The following STRN3 variants were observed in gnomAD, a reference collection of about 807,000 sequenced individuals.
STRN3 encodes the protein striatin-3.
In STRN3, 29 loss-of-function variants were observed where a neutral mutation model predicts 95.6. That is an observed-to-expected ratio of 0.30 (90% CI 0.23 to 0.41). STRN3 has a LOEUF of 0.41. STRN3 is among the 10% of genes least tolerant of loss of function. STRN3 has a pLI of 1.00. For missense variants in STRN3, 890 were observed against 972.1 expected, an observed-to-expected ratio of 0.92 and a Z score of 1.12; for synonymous variants, 331 against 357.6, an observed-to-expected ratio of 0.93 and a Z score of 0.84.
intron 1 of STRN3, among the ~76,000 whole-genome samples, chr14:30,984,005 A>G (rs7156647): frequency 1 from 151,336 of 151,864 alleles, 75,411 homozygotes; most frequent in Non-Finnish European, 1. Flanking sequence ...TGCGTCTAGG[A>G]AGGGAAGGAG....
intron 1 of STRN3, 89 bp from the exon 2 acceptor site, chr14:30,956,331 G>A: frequency 8.4e-7 from 1 of 1,189,988 alleles, no homozygotes; most frequent in Non-Finnish European, 1.2e-6. Context: ...ACAAACTGTT[G>A]CACTTGACTC....
At chr14:30,929,427 C>T (rs924234832) in intron 7 of STRN3, 116 bp from the exon 8 acceptor site, 2 of 766,690 alleles carry the variant, frequency 2.6e-6, no homozygotes, top group African/African-American at 3.6e-5. Flanking sequence ...AGCATATACT[C>T]AAAATACTTT....
At chr14:31,021,689 AAC>A (rs1237759897) in intron 1 of STRN3, among the ~76,000 whole-genome samples, 1 of 152,206 alleles carries the variant, frequency 6.6e-6, no homozygotes, top group Non-Finnish European at 1.5e-5. Flanking sequence ...AGCAAAAGAA[AAC>A]AGTTTTGAAG....
intron 1 of STRN3, among the ~76,000 whole-genome samples, chr14:30,981,216 G>A (rs553345895): frequency 3.9e-5 from 6 of 152,296 alleles, no homozygotes; most frequent in Non-Finnish European, 8.8e-5. Flanking sequence ...TTGAGAGGCT[G>A]AGGTGGGAGG....
intron 7 of STRN3, among the ~76,000 whole-genome samples, chr14:30,931,381 CT>C: frequency 6.6e-6 from 1 of 152,110 alleles, no homozygotes; most frequent in Non-Finnish European, 1.5e-5. Flanking sequence ...TTTACAGTAA[CT>C]TTTTTGTCTA....
chr14:30,915,883 T>C (rs983500519), intron 9 of STRN3, among the ~76,000 whole-genome samples: 1 of 152,232 alleles, frequency 6.6e-6, no homozygotes, highest in Non-Finnish European at 1.5e-5. Flanking sequence ...GTCTGGACAT[T>C]AGTTTTACTC....
chr14:30,926,492 T>C (rs1341204200), intron 8 of STRN3, among the ~76,000 whole-genome samples: 2 of 151,936 alleles, frequency 1.3e-5, no homozygotes, highest in South Asian at 2.1e-4. Flanking sequence ...AGTGGTAGGA[T>C]TGCAGGTGAT....
Position 30,902,663 on chromosome 14 carries a change from A to T in STRN3, c.2030-20T>A, listed in dbSNP as rs1181637291. 3 of 1,468,172 alleles carry T rather than the reference A, an allele frequency of 2.0e-6. No individual in the cohort carries two copies. The Admixed American group carries it at 5.9e-5, about 29-fold the overall frequency. The allele number at this position is 1,468,172 out of a possible 1,614,324, so 90.9% of individuals were successfully genotyped here. On this transcript the variant is annotated intron_variant, in intron 15 of 17. Coordinates refer to ENST00000357479, the MANE Select transcript of STRN3 (RefSeq NM_001083893.2). ...GTAAACCTGAAAAATAAAGGAAGAC[A>T]ATAAGTTAAAATTCAAACCTTTAAT...
At chr14:30,911,008 T>G in intron 13 of STRN3, 33 bp downstream of exon 13, 2 of 1,535,276 alleles carry the variant, frequency 1.3e-6, no homozygotes. Flanking sequence ...CTCCATTCAC[T>G]TAAAAAAAAT....
At position 30,935,169 on chromosome 14, in the gene STRN3, C is replaced by G. The variant is rs768516966; in HGVS notation, c.982G>C (p.Glu328Gln). Residue 328 changes from glutamate (E) to glutamine (Q), a missense_variant, in exon 7 of 18, where the codon GAA becomes CAA. Physicochemically the swap from Glu to Gln is conservative, Grantham distance 29. Coordinates refer to ENST00000357479, the MANE Select transcript of STRN3 (RefSeq NM_001083893.2). ...GEARSSGDGT[E>Q]WDKDDLSPTA... ...TATTTCTTTATCACCTTACCCCATT[C>G]TGTGCCATCCCCCGAACTCCGTGCT... is the stretch of plus-strand genomic sequence containing the variant. 1.2e-6 allele frequency: 2 copies of G among 1,613,970 alleles called. No homozygotes were observed. The highest frequency in any genetic ancestry group is 1.3e-5 in the African/African-American group (1 of 75,030).
At chr14:31,018,268 C>A (rs1430901790) in intron 1 of STRN3, among the ~76,000 whole-genome samples, 1 of 152,126 alleles carries the variant, frequency 6.6e-6, no homozygotes, top group Admixed American at 6.5e-5. Context: ...CTACATCAGC[C>A]TGGGCCATAG....
intron 1 of STRN3, among the ~76,000 whole-genome samples, chr14:31,010,556 A>G (rs575669421): frequency 6.6e-6 from 1 of 152,074 alleles, no homozygotes; most frequent in Non-Finnish European, 1.5e-5. Flanking sequence ...AAAAAATCAC[A>G]AAGTATTTAA....
In STRN3 at chr14:30,929,292, T is replaced by C. The variant is rs760515792; in HGVS notation, c.1008A>G (p.Pro336=). ...GTEWDKDDLS[P]TAEVWDVDQG... ...GGTCTACATCCCAAACCTCAGCAGT[T>C]GGGGAGAGGTCATCTTTATCTACAT... Residue 336 remains proline (P), a synonymous_variant, in exon 8 of 18, where the codon CCA becomes CCG. Transcript: ENST00000357479. 1 of 1,613,496 alleles carries C rather than the reference T, an allele frequency of 6.2e-7. No homozygotes were observed. Among genetic ancestry groups the C allele is most frequent in the East Asian group, 2.2e-5 (1 of 44,808 alleles).
At chr14:30,996,856 A>T (rs949560031) in intron 1 of STRN3, among the ~76,000 whole-genome samples, 4 of 151,482 alleles carry the variant, frequency 2.6e-5, no homozygotes, top group Non-Finnish European at 5.9e-5. Context: ...ACAGAGCGAG[A>T]CTCCATCTCA....
chr14:30,932,495 C>T (rs556905342), intron 7 of STRN3: 3 of 152,154 alleles, frequency 2.0e-5, no homozygotes, highest in Admixed American at 6.5e-5. Flanking sequence ...TTTGAACGAT[C>T]TTGTACTTAA....
intron 1 of STRN3, among the ~76,000 whole-genome samples, chr14:30,984,761 GAC>G (rs1426059588): frequency 6.6e-6 from 1 of 151,686 alleles, no homozygotes; most frequent in Non-Finnish European, 1.5e-5. Flanking sequence ...CCAGCCTGGC[GAC>G]AAAGCAAGAC....
In STRN3 at chr14:30,907,723, G is replaced by C. The variant is rs34284209; in HGVS notation, c.1721-679C>G. ...ATGTTTTCAAGGTTTATCCATGTTGGAGCATGTATCAGTACTCCATTTATT... is the reference window on the plus strand; with the variant it reads ...ATGTTTTCAAGGTTTATCCATGTTGCAGCATGTATCAGTACTCCATTTATT... On this transcript the variant is annotated intron_variant, in intron 13 of 17. Coordinates refer to ENST00000357479, the MANE Select transcript of STRN3 (RefSeq NM_001083893.2). Among the ~76,000 whole-genome samples, 22 of 152,090 alleles carry C rather than the reference G, an allele frequency of 1.4e-4. No homozygotes were observed. The South Asian group carries it at 4.6e-3, about 32-fold the overall frequency.
At chr14:30,985,464 C>G (rs1881641174) in intron 1 of STRN3, among the ~76,000 whole-genome samples, 1 of 151,916 alleles carries the variant, frequency 6.6e-6, no homozygotes, top group African/African-American at 2.4e-5. Flanking sequence ...AGTAGCCAGG[C>G]ATGGTGGCGC....
chr14:31,018,510 G>T (rs1412955771), intron 1 of STRN3: 1 of 425,304 alleles, frequency 2.4e-6, no homozygotes, highest in Non-Finnish European at 4.7e-6. Context: ...AGGGAACTTG[G>T]ATGCGAAACA....
Sources: gnomAD v4.1 joint callset for allele counts (sites outside exome capture counted in the v4.1 genomes callset) on GRCh38, gnomAD v4.1.1 for gene constraint, MANE v1.5 for transcripts, NCBI Gene and HGNC (gene_info 2026-07-23, HGNC 2026-07-21) for gene names.